LIMK2: variants seen among roughly 807,000 people sequenced by gnomAD.
LIMK2 encodes the protein LIM domain kinase 2.
In LIMK2, 35 loss-of-function variants were observed where a neutral mutation model predicts 75.7. That is an observed-to-expected ratio of 0.46 (90% CI 0.35 to 0.61). The LOEUF is 0.61. Among genes scored for constraint, LIMK2 ranks in the 20% least tolerant of loss-of-function variants. The pLI is 0.00. For missense variants in LIMK2, 623 were observed against 831.0 expected, an observed-to-expected ratio of 0.75 and a Z score of 3.08; for synonymous variants, 301 against 319.2, an observed-to-expected ratio of 0.94 and a Z score of 0.61.
intron 2 of LIMK2, among the ~76,000 whole-genome samples, chr22:31,241,860 C>T (rs1319891252): frequency 1.3e-5 from 2 of 152,142 alleles, no homozygotes; most frequent in Non-Finnish European, 2.9e-5. Context: ...GCAACAACCT[C>T]TTGAGGAATA....
chr22:31,244,187 C>T (rs775327775), intron 2 of LIMK2, among the ~76,000 whole-genome samples: 2 of 152,216 alleles, frequency 1.3e-5, no homozygotes, highest in Non-Finnish European at 2.9e-5. Flanking sequence ...CTGAGCCCGT[C>T]GCCGCTGGAA....
chr22:31,268,014 A>G, intron 10 of LIMK2, 107 bp downstream of exon 10: 3 of 1,543,776 alleles, frequency 1.9e-6, no homozygotes, highest in Non-Finnish European at 2.7e-6. Flanking sequence ...CTTTGCCTCC[A>G]AAGGACCATG....
intron 13 of LIMK2, chr22:31,273,170 G>A: frequency 5.5e-6 from 2 of 363,960 alleles, no homozygotes; most frequent in African/African-American, 2.2e-5. Context: ...GCATACAGCT[G>A]CCTAATGGCA....
chr22:31,245,425 T>C (rs1042897532), intron 2 of LIMK2, among the ~76,000 whole-genome samples: 3 of 152,072 alleles, frequency 2.0e-5, no homozygotes, highest in East Asian at 1.9e-4. Context: ...TCTCAGCCTC[T>C]CGAGTAGCTG....
Position 31,217,225 on chromosome 22 carries a change from C to T in LIMK2, c.16+4801C>T, listed in dbSNP as rs553666104. On this transcript the variant is annotated intron_variant, in intron 1 of 15. Coordinates refer to ENST00000331728, the MANE Select transcript of LIMK2 (RefSeq NM_005569.4). ...ACCAGTCTGGCCAAGATGGTGAAAC[C>T]CCATCTCTACTAAAATACAAAAATT... Among the ~76,000 whole-genome samples, 10 of 151,436 alleles carry T rather than the reference C, an allele frequency of 6.6e-5. No homozygotes were observed. The South Asian group carries it at 2.1e-3, about 32-fold the overall frequency.
intron 2 of LIMK2, among the ~76,000 whole-genome samples, chr22:31,243,891 TTGGG>T (rs2048644283): frequency 6.6e-6 from 1 of 152,202 alleles, no homozygotes; most frequent in African/African-American, 2.4e-5. Context: ...AACCACACAC[TTGGG>T]TCTGAGCAGC....
chr22:31,263,195 G>A (rs1462800369), intron 7 of LIMK2, among the ~76,000 whole-genome samples: 1 of 152,004 alleles, frequency 6.6e-6, no homozygotes. Flanking sequence ...GTTTTTTTTA[G>A]ACTTGAGGGA....
intron 5 of LIMK2, among the ~76,000 whole-genome samples, chr22:31,260,360 G>A (rs2048826491): frequency 6.6e-6 from 1 of 152,186 alleles, no homozygotes; most frequent in African/African-American, 2.4e-5. Context: ...TTGATTATGT[G>A]TATTAGTTGT....
chr22:31,245,296 T>G (rs1177773719), intron 2 of LIMK2, among the ~76,000 whole-genome samples: 1 of 152,120 alleles, frequency 6.6e-6, no homozygotes, highest in Non-Finnish European at 1.5e-5. Context: ...GGCCTGTGAT[T>G]GATTGATTTT....
intron 2 of LIMK2, among the ~76,000 whole-genome samples, chr22:31,241,600 C>G (rs1054258722): frequency 6.6e-5 from 10 of 152,112 alleles, no homozygotes; most frequent in Admixed American, 2.6e-4. Context: ...CACATCACAC[C>G]CAGGAAGGAC....
At chr22:31,248,466 C>T (rs747860735) in intron 2 of LIMK2, 7 of 1,497,766 alleles carry the variant, frequency 4.7e-6, no homozygotes, top group Admixed American at 2.0e-5. Context: ...CCAGAGGGGC[C>T]GCCTGAGCTT....
At chr22:31,243,260 T>C (rs2048639109) in intron 2 of LIMK2, among the ~76,000 whole-genome samples, 1 of 152,082 alleles carries the variant, frequency 6.6e-6, no homozygotes, top group Admixed American at 6.6e-5. Flanking sequence ...TGCTATAATG[T>C]AGAAAGTGAT....
At chr22:31,267,200 G>A in intron 9 of LIMK2, 130 bp downstream of exon 9, 1 of 596,938 alleles carries the variant, frequency 1.7e-6, no homozygotes, top group Non-Finnish European at 3.0e-6. Flanking sequence ...AAGAGCCCTA[G>A]AGGAATATCC....
intron 5 of LIMK2, among the ~76,000 whole-genome samples, chr22:31,260,761 G>A (rs1257056306): frequency 6.6e-6 from 1 of 152,232 alleles, no homozygotes; most frequent in Non-Finnish European, 1.5e-5. Context: ...AACCTTATTA[G>A]ATGAAGAGGA....
intron 2 of LIMK2, among the ~76,000 whole-genome samples, chr22:31,246,206 C>CACACACACACACACACACACACACAT (rs1568990659): frequency 1.3e-5 from 2 of 150,106 alleles, no homozygotes; most frequent in African/African-American, 2.5e-5. Flanking sequence ...CACACACACA[C>CACACACACACACACACACACACACAT]ACACACACAC....
chr22:31,278,140 C>T (rs1046405944), intron 15 of LIMK2, among the ~76,000 whole-genome samples, 157 bp from the exon 16 acceptor site: 2 of 152,076 alleles, frequency 1.3e-5, no homozygotes, highest in Non-Finnish European at 2.9e-5. Context: ...TATGAGGTAC[C>T]GGTAACATTA....
At chr22:31,258,575 A>G (rs1685076016) in intron 3 of LIMK2, 149 bp downstream of exon 3, 7 of 747,564 alleles carry the variant, frequency 9.4e-6, no homozygotes, top group East Asian at 2.7e-5. Flanking sequence ...GCAGGTATCA[A>G]TTGAGCACCT....
At chr22:31,216,899 C>A (rs999112620) in intron 1 of LIMK2, among the ~76,000 whole-genome samples, 20 of 152,246 alleles carry the variant, frequency 1.3e-4, no homozygotes, top group Admixed American at 1.3e-3. Context: ...ACAAGTCTAC[C>A]TTCTTTCTCA....
intron 2 of LIMK2, among the ~76,000 whole-genome samples, chr22:31,253,427 A>G (rs1247576423): frequency 6.6e-6 from 1 of 152,254 alleles, no homozygotes; most frequent in African/African-American, 2.4e-5. Flanking sequence ...TTCTTTGTTT[A>G]AAAGAACAGA....
Sources: allele counts gnomAD v4.1 joint callset (sites outside exome capture counted in the v4.1 genomes callset), GRCh38; gene constraint gnomAD v4.1.1; transcripts MANE v1.5; gene names NCBI Gene and HGNC (gene_info 2026-07-23, HGNC 2026-07-21).